The following MSN variants were observed in gnomAD, a reference collection of about 807,000 sequenced individuals.
MSN encodes epididymis luminal protein 70.
A neutral mutation model predicts 48.0 loss-of-function variants in MSN; 2 were observed. The ratio of observed to expected loss-of-function variants is 0.04; its 90% CI spans 0.02 to 0.13. The LOEUF is 0.13. MSN is among the 10% of genes least tolerant of loss of function. The pLI is 1.00. For synonymous variants in MSN, 146 were observed against 166.9 expected, an observed-to-expected ratio of 0.87 and a Z score of 0.97; for missense variants, 267 against 470.1, an observed-to-expected ratio of 0.57 and a Z score of 3.99.
At chrX:65,594,217 T>C in intron 1 of MSN, among the ~76,000 whole-genome samples, 1 of 111,896 alleles carries the variant, frequency 8.9e-6, no homozygotes. Context: ...AAAAATGAAG[T>C]TTAGAGAAGC....
At chrX:65,709,710 G>T (rs11798103) in intron 1 of MSN, among the ~76,000 whole-genome samples, 2 of 112,882 alleles carry the variant, frequency 1.8e-5, no homozygotes, top group East Asian at 5.5e-4. Flanking sequence ...CCCTGAAGAC[G>T]CTGGATTGGC....
At chrX:65,610,580 C>G (rs1216972449) in intron 1 of MSN, among the ~76,000 whole-genome samples, 1 of 112,007 alleles carries the variant, frequency 8.9e-6, no homozygotes, top group East Asian at 2.8e-4. Context: ...ATACAGGTAT[C>G]TGTTTGAATA....
chrX:65,709,451 T>C (rs1479277913), intron 1 of MSN, among the ~76,000 whole-genome samples: 1 of 112,191 alleles, frequency 8.9e-6, no homozygotes, highest in Non-Finnish European at 1.9e-5. Context: ...GCAGAAACCC[T>C]GAGTAGAGAT....
Position 65,677,980 on chromosome X carries a change from C to T in MSN, c.12+10127C>T, listed in dbSNP as rs1383024430. On this transcript the variant is annotated intron_variant, in intron 1 of 12. Coordinates refer to ENST00000360270, the MANE Select transcript of MSN (RefSeq NM_002444.3). ...GCCTGGTGAAAATCTAGCCTAGTTG[C>T]CTTTCTGTCTGCCATAGCCTGGGCA... 2.7e-5 allele frequency among the ~76,000 whole-genome samples: 3 copies of T among 110,763 alleles called. No individual in the cohort carries two copies. In the East Asian group the frequency reaches 8.6e-4, roughly 32 times the overall value.
At chrX:65,617,088 G>A (rs1278258147) in intron 1 of MSN, among the ~76,000 whole-genome samples, 2 of 107,116 alleles carry the variant, frequency 1.9e-5, no homozygotes, top group African/African-American at 7.4e-5. Flanking sequence ...GCTTTTTGAT[G>A]TGCTGCTGGA....
intron 1 of MSN, among the ~76,000 whole-genome samples, chrX:65,591,481 G>A (rs1263972963): frequency 3.6e-5 from 4 of 111,836 alleles, no homozygotes; most frequent in Admixed American, 9.4e-5. Context: ...GCCCTGGCTC[G>A]CCAGAAACTA....
chrX:65,677,331 A>T (rs1471611235), intron 1 of MSN, among the ~76,000 whole-genome samples: 3 of 111,813 alleles, frequency 2.7e-5, no homozygotes, highest in African/African-American at 9.8e-5. Flanking sequence ...AGTGAGCTAA[A>T]CTCCTCTCCA....
chrX:65,612,006 T>C (rs2070324314), intron 1 of MSN, among the ~76,000 whole-genome samples: 2 of 112,297 alleles, frequency 1.8e-5, no homozygotes, highest in Non-Finnish European at 3.8e-5. Context: ...TTATATCTTC[T>C]TTGAAGAAAT....
intron 1 of MSN, among the ~76,000 whole-genome samples, chrX:65,692,506 T>C (rs2071183923): frequency 8.9e-6 from 1 of 112,637 alleles, no homozygotes; most frequent in Non-Finnish European, 1.9e-5. Context: ...GAAAGTAGAA[T>C]GTGAAAAGAG....
intron 1 of MSN, among the ~76,000 whole-genome samples, chrX:65,635,565 A>G (rs1173898436): frequency 8.9e-6 from 1 of 111,966 alleles, no homozygotes; most frequent in Non-Finnish European, 1.9e-5. Flanking sequence ...TCCCAGCCCT[A>G]CACTCTCTGA....
rs1314828423 is a variant in MSN at position 65,591,867 on chromosome X, G to T, written c.-22+3255G>T. Among the ~76,000 whole-genome samples the T allele has an allele frequency of 7.4e-4, 82 of 111,010 alleles. 3 individuals are homozygous for T. In the Admixed American group the frequency reaches 7.6e-3, roughly 10 times the overall value. Reference sequence around the variant, plus strand: ...TCCCTGCCCCTGCCATCTAGACTAGGGTCCAGATGAGAGACTTCTGAGTGA... The same window carrying T: ...TCCCTGCCCCTGCCATCTAGACTAGTGTCCAGATGAGAGACTTCTGAGTGA... On this transcript the variant is annotated intron_variant, in intron 1 of 3. Transcript: ENST00000609672.
intron 1 of MSN, among the ~76,000 whole-genome samples, chrX:65,638,861 C>T (rs905945331): frequency 2.7e-5 from 3 of 112,002 alleles, no homozygotes; most frequent in Admixed American, 1.9e-4. Context: ...GCCAGAAAAA[C>T]CTGGATATGA....
chrX:65,642,350 GGTGTGTGTGT>G (rs61644801), intron 1 of MSN, among the ~76,000 whole-genome samples: 5 of 96,201 alleles, frequency 5.2e-5, no homozygotes, highest in South Asian at 4.8e-4. Flanking sequence ...TGTACATTAT[GGTGTGTGTGT>G]GTGTGTGTGT....
intron 1 of MSN, among the ~76,000 whole-genome samples, chrX:65,596,941 T>C (rs1207010419): frequency 8.9e-6 from 1 of 112,240 alleles, no homozygotes; most frequent in Non-Finnish European, 1.9e-5. Flanking sequence ...CCTTTAAGTG[T>C]TCACAATCTG....
At chrX:65,649,582 A>AT (rs1360642880) in intron 1 of MSN, among the ~76,000 whole-genome samples, 10 of 98,371 alleles carry the variant, frequency 1.0e-4, no homozygotes, top group African/African-American at 4.0e-4. Context: ...TCTCAAAAAA[A>AT]AAAAAAATAT....
chrX:65,630,016 A>C (rs1252317986), intron 1 of MSN, among the ~76,000 whole-genome samples: 1 of 110,649 alleles, frequency 9.0e-6, no homozygotes, highest in African/African-American at 3.3e-5. Context: ...CTGTCTCTAC[A>C]AAAAATACAA....
chrX:65,696,834 G>C (rs920044250), intron 1 of MSN, among the ~76,000 whole-genome samples: 6 of 111,167 alleles, frequency 5.4e-5, no homozygotes, highest in Non-Finnish European at 7.5e-5. Context: ...GTTACCTCAA[G>C]CTACATAGGG....
intron 1 of MSN, among the ~76,000 whole-genome samples, chrX:65,616,723 G>C (rs1190003768): frequency 3.9e-5 from 4 of 102,506 alleles, no homozygotes; most frequent in African/African-American, 1.4e-4. Context: ...GATTGCCCTG[G>C]CCAGAACTTC....
chrX:65,734,728 A>T (rs779133230), intron 7 of MSN, among the ~76,000 whole-genome samples: 1 of 112,237 alleles, frequency 8.9e-6, no homozygotes, highest in Non-Finnish European at 1.9e-5. Context: ...ACAAGCAGTG[A>T]TCAGGAGATT....
Sources: allele counts gnomAD v4.1 joint callset (sites outside exome capture counted in the v4.1 genomes callset), GRCh38; gene constraint gnomAD v4.1.1; transcripts MANE v1.5; gene names NCBI Gene and HGNC (gene_info 2026-07-23, HGNC 2026-07-21).